PCDHGA2: variants seen among roughly 807,000 people sequenced by gnomAD.
The protein encoded by PCDHGA2 is protocadherin gamma-A2.
In PCDHGA2, 40 loss-of-function variants were observed where a neutral mutation model predicts 59.2. The ratio of observed to expected loss-of-function variants is 0.68; its 90% CI spans 0.52 to 0.88. The LOEUF (loss-of-function observed/expected upper bound fraction) is 0.88. Among genes scored for constraint, PCDHGA2 ranks in the 40% least tolerant of loss-of-function variants. The pLI is 0.00. For missense variants in PCDHGA2, 1,226 were observed against 1,204.0 expected (o/e 1.02, Z -0.27); for synonymous variants, 560 against 526.0 (o/e 1.06, Z -0.89).
intron 1 of PCDHGA2, chr5:141,418,309 G>A (rs756375907): frequency 6.2e-7 from 1 of 1,614,008 alleles, no homozygotes; most frequent in South Asian, 1.1e-5. Flanking sequence ...GCCTGGGGAT[G>A]GGAACAATTC....
intron 1 of PCDHGA2, chr5:141,360,455 A>C (rs369787624): frequency 6.2e-7 from 1 of 1,613,862 alleles, no homozygotes; most frequent in Non-Finnish European, 8.5e-7. Context: ...CTGGATTTCG[A>C]TACTGTCGCT....
At position 141,431,294 on chromosome 5, in the gene PCDHGA2, T is replaced by C; in HGVS notation, c.2425-63513T>C. 1.9e-6 allele frequency: 3 copies of C among 1,614,096 alleles called. No individual in the cohort carries two copies. Among genetic ancestry groups the C allele is most frequent in the Non-Finnish European group, 2.5e-6 (3 of 1,180,026 alleles). ...CGAGCTCAGCCCGAACACTCACTTC[T>C]CCCTCATCGTGCAAAATGGAGCCGA... On this transcript the variant is annotated intron_variant, in intron 1 of 3. Transcript: ENST00000394576. The surrounding 1 kb of genome is among the most constrained non-coding windows in gnomAD (Gnocchi z 4.8).
chr5:141,366,934 G>A, intron 1 of PCDHGA2: 1 of 893,774 alleles, frequency 1.1e-6, no homozygotes, highest in Non-Finnish European at 1.6e-6. Flanking sequence ...GTTTTGGGAA[G>A]TCTAGCTGAT....
intron 1 of PCDHGA2, among the ~76,000 whole-genome samples, chr5:141,481,031 C>G (rs926205148): frequency 1.3e-5 from 2 of 152,108 alleles, no homozygotes; most frequent in Non-Finnish European, 2.9e-5. Flanking sequence ...GCACTCCAGC[C>G]TGGGCGACAG....
Position 141,490,503 on chromosome 5 carries a change from C to A in PCDHGA2, c.2425-4304C>A, listed in dbSNP as rs2099701103. On this transcript the variant is annotated intron_variant, in intron 1 of 3. Coordinates refer to ENST00000394576, the MANE Select transcript of PCDHGA2 (RefSeq NM_018915.4). The surrounding 1 kb of genome is among the most constrained non-coding windows in gnomAD (Gnocchi z 5.4). ...ACCGGGAGGCCACATCCCACTATAT[C>A]ATCGAGCTGCTGGCCAGCGATGCTG... 3.7e-6 allele frequency: 6 copies of A among 1,614,206 alleles called. No individual in the cohort carries two copies. In the African/African-American group the frequency reaches 8.0e-5, roughly 22 times the overall value.
At position 141,487,010 on chromosome 5, in the gene PCDHGA2, GC is replaced by G. The variant is rs2099638172; in HGVS notation, c.2425-7793del. ...TTGGGTTTCCTATCAGCTCCTGGAG[GC>G]CCCAGATCCCAGCCTGTTTGCAGTC... is the stretch of plus-strand genomic sequence containing the variant. On this transcript the variant is annotated intron_variant, in intron 1 of 3. Coordinates refer to ENST00000394576, the MANE Select transcript of PCDHGA2 (RefSeq NM_018915.4). This position sits in a 1 kb window ranked among gnomAD's most constrained non-coding sequence, Gnocchi z 5.0. 6.2e-7 allele frequency: 1 copy of G among 1,614,096 alleles called. No individual in the cohort carries two copies. Among genetic ancestry groups the G allele is most frequent in the Non-Finnish European group, 8.5e-7 (1 of 1,180,056 alleles).
At chr5:141,450,489 CTG>C (rs2098682348) in intron 1 of PCDHGA2, among the ~76,000 whole-genome samples, 1 of 150,280 alleles carries the variant, frequency 6.7e-6, no homozygotes, top group Admixed American at 6.6e-5. Context: ...GTTTGTTTGT[CTG>C]TTTGTTTGTT....
intron 1 of PCDHGA2, chr5:141,352,715 C>A (rs993936789): frequency 1.7e-5 from 26 of 1,538,320 alleles, no homozygotes; most frequent in Admixed American, 3.9e-5. Flanking sequence ...GGCGGCCGGG[C>A]GCGGTGGCTC....
At chr5:141,421,618 G>T (rs748399893) in intron 1 of PCDHGA2, 1 of 1,613,766 alleles carries the variant, frequency 6.2e-7, no homozygotes, top group Non-Finnish European at 8.5e-7. Flanking sequence ...TAATGATAAC[G>T]CCCCCAGCTT....
intron 1 of PCDHGA2, among the ~76,000 whole-genome samples, chr5:141,349,734 A>G (rs1758343785): frequency 6.6e-6 from 1 of 152,188 alleles, no homozygotes; most frequent in Non-Finnish European, 1.5e-5. Context: ...TTATCAATTC[A>G]CTTATTTGGA....
chr5:141,384,284 C>T (rs1588966005), intron 1 of PCDHGA2: 1 of 1,613,854 alleles, frequency 6.2e-7, no homozygotes. Context: ...GTCTACATCG[C>T]TGAGAACAAC....
At chr5:141,355,425 C>CGAAAA in intron 1 of PCDHGA2, 1 of 1,614,092 alleles carries the variant, frequency 6.2e-7, no homozygotes, top group Non-Finnish European at 8.5e-7. Context: ...CGCAGCTTTT[C>CGAAAA]GCCCTGAACC....
intron 1 of PCDHGA2, chr5:141,393,832 T>C (rs953592252): frequency 6.2e-7 from 1 of 1,613,866 alleles, no homozygotes; most frequent in African/African-American, 1.3e-5. Context: ...GTGGAAGATG[T>C]AAATGACAAT....
intron 1 of PCDHGA2, among the ~76,000 whole-genome samples, chr5:141,456,902 G>A (rs886945444): frequency 6.6e-6 from 1 of 152,294 alleles, no homozygotes; most frequent in South Asian, 2.1e-4. Flanking sequence ...GGCAGAGGTT[G>A]CAGTGAGCCG....
At chr5:141,474,803 T>C (rs1383027398) in intron 1 of PCDHGA2, among the ~76,000 whole-genome samples, 1 of 152,250 alleles carries the variant, frequency 6.6e-6, no homozygotes, top group Non-Finnish European at 1.5e-5. Context: ...ATGGAGTGGT[T>C]TGCATCATTA....
rs758715682 is a variant in PCDHGA2, at chr5:141,490,062, C to T, written c.2425-4745C>T. The T allele has an allele frequency of 2.6e-5, 42 of 1,614,100 alleles. No individual in the cohort carries two copies. The highest frequency in any genetic ancestry group is 3.3e-5 in the South Asian group (3 of 91,086). On this transcript the variant is annotated intron_variant, in intron 1 of 3. Coordinates refer to ENST00000394576, the MANE Select transcript of PCDHGA2 (RefSeq NM_018915.4). The surrounding 1 kb of genome is among the most constrained non-coding windows in gnomAD (Gnocchi z 5.4). The stretch of plus-strand genomic sequence containing the variant: ...CCACTGATCCAGACGAGGGCACCAA[C>T]GGCCAACTAGACTATTCTTTTGGAG...
chr5:141,398,787 A>C, intron 1 of PCDHGA2: 1 of 1,613,902 alleles, frequency 6.2e-7, no homozygotes, highest in South Asian at 1.1e-5. Context: ...GTGGACATCC[A>C]CCCCTAAGCG....
chr5:141,414,209 A>G (rs2095719803), intron 1 of PCDHGA2: 3 of 1,612,712 alleles, frequency 1.9e-6, no homozygotes, highest in South Asian at 2.2e-5. Flanking sequence ...GAAGATGTAA[A>G]TGACAACAGT....
intron 1 of PCDHGA2, chr5:141,427,369 C>T (rs1333238163): frequency 4.4e-6 from 2 of 457,834 alleles, no homozygotes; most frequent in Non-Finnish European, 8.8e-6. Flanking sequence ...GAACCCTGGA[C>T]GGTGATCACT....
Sources: gnomAD v4.1 joint callset for allele counts (sites outside exome capture counted in the v4.1 genomes callset) on GRCh38, gnomAD v4.1.1 for gene constraint, Gnocchi (gnomAD v3.1) non-coding constraint, MANE v1.5 for transcripts, NCBI Gene and HGNC (gene_info 2026-07-23, HGNC 2026-07-21) for gene names.